Variants in KYAT1 observed in about 807,000 individuals in gnomAD.
The protein encoded by KYAT1 is kynurenine--oxoglutarate transaminase 1.
In KYAT1, 47 loss-of-function variants were observed where a neutral mutation model predicts 52.4. The ratio of observed to expected loss-of-function variants is 0.90; its 90% CI spans 0.71 to 1.14. The LOEUF (loss-of-function observed/expected upper bound fraction) is 1.14, where lower values mean the gene tolerates loss of function less well. Among genes scored for constraint, KYAT1 ranks in the 50% most tolerant of loss-of-function variants. The pLI, the probability that KYAT1 is intolerant of heterozygous loss-of-function variation, is 0.00. For synonymous variants in KYAT1, 212 were observed against 209.6 expected (o/e 1.01, Z -0.10); for missense variants, 480 against 557.9 (o/e 0.86, Z 1.41).
At chr9:128,856,764 C>T (rs539421597) in intron 1 of KYAT1, among the ~76,000 whole-genome samples, 7 of 152,362 alleles carry the variant, frequency 4.6e-5, no homozygotes, top group East Asian at 1.9e-4. Flanking sequence ...TGCGGAAAGC[C>T]GCACGGACCT....
At chr9:128,857,026 G>A (rs942360619) in intron 1 of KYAT1, among the ~76,000 whole-genome samples, 1 of 152,236 alleles carries the variant, frequency 6.6e-6, no homozygotes, top group African/African-American at 2.4e-5. Context: ...TCTGAGATAG[G>A]AGAAAAACCG....
intron 1 of KYAT1, among the ~76,000 whole-genome samples, chr9:128,853,518 G>C (rs1351716219): frequency 1.3e-5 from 2 of 152,166 alleles, no homozygotes; most frequent in Non-Finnish European, 2.9e-5. Context: ...TACAAAGGAT[G>C]TTGAGACAGC....
Position 128,837,605 on chromosome 9 carries a change from C to T in KYAT1, c.567+80G>A, listed in dbSNP as rs1831348773. On this transcript the variant is annotated intron_variant, in intron 6 of 12. Transcript: ENST00000302586. ...CCACACACAAACGAAGAAACGGAGG[C>T]CCCACAGCAGCAACTCAGTAACAGT... 3.9e-6 allele frequency: 6 copies of T among 1,524,942 alleles called. No homozygotes were observed. The South Asian group carries it at 5.8e-5, about 15-fold the overall frequency. The allele number at this position is 1,524,942 out of a possible 1,614,324, so 94.5% of individuals were successfully genotyped here. A position where few individuals can be genotyped will look rare whatever the true frequency, so the allele number is the denominator to read the frequency against.
At position 128,856,129 on chromosome 9, in the gene KYAT1, G is replaced by A. The variant is rs145356260; in HGVS notation, c.-6-10718C>T. On this transcript the variant is annotated intron_variant, in intron 1 of 12. Coordinates refer to ENST00000302586, the MANE Select transcript of KYAT1 (RefSeq NM_004059.5). ...GAACATCACTGGGACATGGTTAGACGCCATCTACAAGGAAGAGAAGATAAC... is the reference window on the plus strand; with the variant it reads ...GAACATCACTGGGACATGGTTAGACACCATCTACAAGGAAGAGAAGATAAC... 3.3e-3 allele frequency among the ~76,000 whole-genome samples: 500 copies of A among 152,224 alleles called. 3 individuals carry two copies. The highest frequency in any genetic ancestry group is 0.011 in the African/African-American group (456 of 41,530).
intron 1 of KYAT1, among the ~76,000 whole-genome samples, chr9:128,855,120 A>G (rs1276440884): frequency 6.6e-6 from 1 of 152,222 alleles, no homozygotes; most frequent in Non-Finnish European, 1.5e-5. Flanking sequence ...TTAGTTTGGG[A>G]AAAATATGTG....
At position 128,877,163 on chromosome 9, in the gene KYAT1, G is replaced by C. The variant is rs1246110172; in HGVS notation, c.-7+4734C>G. The stretch of plus-strand genomic sequence containing the variant: ...TCTGCCTGCCTTGACCTCCCAAATT[G>C]CTGGAATTACAGGTGTGAACCACTG... On this transcript the variant is annotated intron_variant, in intron 1 of 12. Transcript: ENST00000302586. 2.6e-5 allele frequency among the ~76,000 whole-genome samples: 4 copies of C among 152,108 alleles called. No individual in the cohort carries two copies. In the East Asian group the frequency reaches 7.7e-4, roughly 29 times the overall value.
intron 1 of KYAT1, among the ~76,000 whole-genome samples, chr9:128,866,157 C>T (rs369564548): frequency 2.0e-5 from 3 of 152,144 alleles, no homozygotes; most frequent in Non-Finnish European, 4.4e-5. Flanking sequence ...CTCCAAGGAG[C>T]GCACAATCTA....
chr9:128,858,335 T>C (rs1834956998), intron 1 of KYAT1, among the ~76,000 whole-genome samples: 1 of 134,568 alleles, frequency 7.4e-6, no homozygotes, highest in Non-Finnish European at 1.5e-5. Context: ...AGGCAGAGGT[T>C]GCAATGAGCC....
intron 1 of KYAT1, among the ~76,000 whole-genome samples, chr9:128,857,729 T>C (rs962388890): frequency 9.9e-5 from 15 of 152,176 alleles, no homozygotes; most frequent in Admixed American, 9.2e-4. Context: ...CCAGCTGCTC[T>C]GGAGGCTGAG....
At chr9:128,841,790 G>C (rs568851852) in intron 3 of KYAT1, among the ~76,000 whole-genome samples, 76 of 152,046 alleles carry the variant, frequency 5.0e-4, no homozygotes, top group African/African-American at 1.8e-3. Flanking sequence ...TTGAGCCCAG[G>C]AGTTTCAGAC....
At chr9:128,868,173 G>A (rs958310737) in intron 1 of KYAT1, among the ~76,000 whole-genome samples, 6 of 150,446 alleles carry the variant, frequency 4.0e-5, no homozygotes, top group Admixed American at 6.6e-5. Flanking sequence ...AACATCTATG[G>A]CCCACTAATT....
At chr9:128,851,750 G>A (rs892989775) in intron 1 of KYAT1, among the ~76,000 whole-genome samples, 14 of 152,298 alleles carry the variant, frequency 9.2e-5, no homozygotes, top group African/African-American at 2.6e-4. Flanking sequence ...AGAAAGGAAC[G>A]GAAAGTTCAC....
Position 128,833,552 on chromosome 9 carries a change from G to A in KYAT1, c.*32C>T, listed in dbSNP as rs762491432. The A allele has an allele frequency of 2.4e-5, 39 of 1,602,954 alleles. No homozygotes were observed. In the East Asian group the frequency reaches 8.5e-4, roughly 35 times the overall value. ...TCAAAGAGGATCTCTGCGGGCATGT[G>A]GGGATGTCAGGGCCAAGGCGTGACT... On this transcript the variant is annotated 3_prime_UTR_variant, in exon 13 of 13. Coordinates refer to ENST00000302586, the MANE Select transcript of KYAT1 (RefSeq NM_004059.5).
chr9:128,835,347 G>A lies in KYAT1; in HGVS notation c.1098C>T (p.Phe366=), dbSNP rs1415351939. 13 of 1,613,900 alleles carry A rather than the reference G, an allele frequency of 8.1e-6. No homozygotes were observed. The highest frequency in any genetic ancestry group is 1.1e-5 in the Non-Finnish European group (13 of 1,179,956). Residue 366 remains phenylalanine (F), a synonymous_variant, in exon 11 of 13, where the codon TTC becomes TTT. Transcript: ENST00000302586. ...GAVDEPYDRR[F]VKWMIKNKGL... is the part of the protein sequence containing the mutation. ...CCTTGTTCTTGATCATCCACTTGAC[G>A]AAGCGTCTGTCATAGGGCTCATCCA...
intron 11 of KYAT1, among the ~76,000 whole-genome samples, chr9:128,834,188 T>C (rs950925874): frequency 6.6e-6 from 1 of 151,852 alleles, no homozygotes; most frequent in African/African-American, 2.4e-5. Flanking sequence ...AACCCGGGGG[T>C]GGAGGTTGCA....
Position 128,838,102 on chromosome 9 carries a change from C to T in KYAT1, c.387G>A (p.Glu129=), listed in dbSNP as rs1831462081. The part of the protein sequence containing the change: ...IIIEPFFDCY[E]PMTMMAGGRP... ...GACCCCCTGCCATCATTGTCATGGGCTCGTAGCAGTCAAAAAAGGGTTCGA... is the reference window on the plus strand; with the variant it reads ...GACCCCCTGCCATCATTGTCATGGGTTCGTAGCAGTCAAAAAAGGGTTCGA... Residue 129 remains glutamate (E), a synonymous_variant, in exon 5 of 13, where the codon GAG becomes GAA. Coordinates refer to ENST00000302586, the MANE Select transcript of KYAT1 (RefSeq NM_004059.5). The T allele has an allele frequency of 3.1e-6, 5 of 1,614,168 alleles. No individual in the cohort carries two copies. The highest frequency in any genetic ancestry group is 4.2e-6 in the Non-Finnish European group (5 of 1,180,038).
At chr9:128,875,224 T>C (rs1837803292) in intron 1 of KYAT1, among the ~76,000 whole-genome samples, 2 of 151,968 alleles carry the variant, frequency 1.3e-5, no homozygotes, top group African/African-American at 4.8e-5. Flanking sequence ...CATTATTCCA[T>C]TTATGTTCAA....
In KYAT1 at chr9:128,835,631, G is replaced by C; in HGVS notation, c.892C>G (p.Leu298Val). Residue 298 changes from leucine (L) to valine (V), a missense_variant, in exon 10 of 13, where the codon CTC (leucine) becomes GTC (valine). By Grantham distance (32) the Leu-to-Val change is conservative. Coordinates refer to ENST00000302586, the MANE Select transcript of KYAT1 (RefSeq NM_004059.5). ...AAGTAGCTGCTGGGTTGGCGGAAGA[G>C]CAGCTGCTCCCGTTCAAAGCTCTCG... ...VAESFEREQL[L>V]FRQPSSYFVQ... is the part of the protein sequence containing the mutation. The C allele has an allele frequency of 6.2e-7, 1 of 1,611,632 alleles. No individual in the cohort carries two copies.
At position 128,876,193 on chromosome 9, in the gene KYAT1, C is replaced by T. The variant is rs987749401; in HGVS notation, c.-7+5704G>A. On this transcript the variant is annotated intron_variant, in intron 1 of 12. Transcript: ENST00000302586. The stretch of plus-strand genomic sequence containing the variant: ...GCTCAAGTGATCCTCCTGCCTCAGC[C>T]GCCTGAGTATCTGGGACTATAAGTG... 5.9e-5 allele frequency among the ~76,000 whole-genome samples: 9 copies of T among 151,734 alleles called. 1 individual carries two copies. The highest frequency in any genetic ancestry group is 1.9e-4 in the African/African-American group (8 of 41,286).
Sources: allele counts gnomAD v4.1 joint callset (sites outside exome capture counted in the v4.1 genomes callset), GRCh38; gene constraint gnomAD v4.1.1; transcripts MANE v1.5; gene names NCBI Gene and HGNC (gene_info 2026-07-23, HGNC 2026-07-21).